LZTFL1: variants seen among roughly 807,000 people sequenced by gnomAD.
LZTFL1 encodes leucine zipper transcription factor-like protein 1.
LZTFL1 carries 25 observed loss-of-function variants against 45.9 expected under a neutral mutation model. That is an observed-to-expected ratio of 0.54 (90% CI 0.40 to 0.76). The LOEUF (loss-of-function observed/expected upper bound fraction) is 0.76. Ranked by LOEUF, LZTFL1 falls within the 30% of genes least tolerant of loss-of-function variation. LZTFL1 has a pLI of 0.00. For synonymous variants in LZTFL1, 93 were observed against 117.4 expected, an observed-to-expected ratio of 0.79 and a Z score of 1.35; for missense variants, 277 against 331.1, an observed-to-expected ratio of 0.84 and a Z score of 1.27.
intron 4 of LZTFL1, among the ~76,000 whole-genome samples, chr3:45,849,512 A>G (rs1360108577): frequency 3.3e-5 from 5 of 152,240 alleles, no homozygotes. Context: ...AGGGTGATAT[A>G]AAGAAAAGTT....
chr3:45,892,637 G>A (rs1256469860), intron 2 of LZTFL1, among the ~76,000 whole-genome samples: 2 of 151,974 alleles, frequency 1.3e-5, no homozygotes, highest in Non-Finnish European at 1.5e-5. Context: ...CCTGGGTGGC[G>A]AAATAATCTA....
intron 1 of LZTFL1, among the ~76,000 whole-genome samples, chr3:45,839,366 A>G (rs1449961971): frequency 1.3e-5 from 2 of 152,072 alleles, no homozygotes; most frequent in South Asian, 2.1e-4. Flanking sequence ...GGGATTACAG[A>G]GGTGAGCCAC....
chr3:45,905,089 A>C (rs974464095), intron 2 of LZTFL1, among the ~76,000 whole-genome samples: 2 of 152,174 alleles, frequency 1.3e-5, no homozygotes, highest in African/African-American at 4.8e-5. Context: ...CAGCACCTGC[A>C]CCTGACATGT....
chr3:45,866,464 C>T (rs541714546), intron 2 of LZTFL1, among the ~76,000 whole-genome samples: 1 of 152,314 alleles, frequency 6.6e-6, no homozygotes, highest in South Asian at 2.1e-4. Flanking sequence ...ATACAGTCAG[C>T]TCTACAAGGG....
At chr3:45,913,641 G>T (rs1452866861) in intron 1 of LZTFL1, among the ~76,000 whole-genome samples, 1 of 152,178 alleles carries the variant, frequency 6.6e-6, no homozygotes, top group Non-Finnish European at 1.5e-5. Context: ...GCTAGTACTA[G>T]TGTGGCATGT....
chr3:45,903,578 A>G (rs1479054841), intron 2 of LZTFL1, among the ~76,000 whole-genome samples: 1 of 152,220 alleles, frequency 6.6e-6, no homozygotes, highest in Non-Finnish European at 1.5e-5. Flanking sequence ...AAGGGGAGAC[A>G]AAAGCACTGG....
chr3:45,831,317 G>A (rs1360096695), intron 5 of LZTFL1, among the ~76,000 whole-genome samples, 179 bp from the exon 6 acceptor site: 3 of 152,182 alleles, frequency 2.0e-5, no homozygotes, highest in African/African-American at 7.2e-5. Context: ...CAGTATCTGT[G>A]AGTCAGCTTT....
At chr3:45,860,831 G>A (rs1051643027) in intron 2 of LZTFL1, among the ~76,000 whole-genome samples, 1 of 152,094 alleles carries the variant, frequency 6.6e-6, no homozygotes, top group Non-Finnish European at 1.5e-5. Context: ...GTACGAAATC[G>A]TTGACCATTT....
intron 8 of LZTFL1, 63 bp from the exon 9 acceptor site, chr3:45,827,522 C>T (rs1002624427): frequency 3.8e-5 from 38 of 987,834 alleles, no homozygotes; most frequent in Middle Eastern, 4.4e-4. Context: ...ATAACAAATG[C>T]GATAAAAATA....
chr3:45,873,615 T>A (rs1054678645), intron 2 of LZTFL1, among the ~76,000 whole-genome samples: 1 of 152,198 alleles, frequency 6.6e-6, no homozygotes, highest in African/African-American at 2.4e-5. Context: ...CTTCTTACAA[T>A]GTCTTGCTCA....
intron 7 of LZTFL1, among the ~76,000 whole-genome samples, chr3:45,829,647 GA>G (rs71619611): frequency 0.089 from 9,997 of 111,900 alleles, 490 homozygotes; most frequent in South Asian, 0.33. Context: ...TTCAACAGAA[GA>G]AAAAAAAAAT....
intron 2 of LZTFL1, among the ~76,000 whole-genome samples, chr3:45,899,917 G>A (rs1702491249): frequency 6.6e-6 from 1 of 152,092 alleles, no homozygotes; most frequent in Admixed American, 6.6e-5. Context: ...AGTGTAAGAA[G>A]TGTGTGTGTG....
At chr3:45,862,756 G>A (rs1317219915) in intron 2 of LZTFL1, among the ~76,000 whole-genome samples, 1 of 152,222 alleles carries the variant, frequency 6.6e-6, no homozygotes, top group Non-Finnish European at 1.5e-5. Flanking sequence ...TATGCCAGCC[G>A]CAGTTGAAAC....
At chr3:45,890,017 A>T (rs957236948) in intron 2 of LZTFL1, among the ~76,000 whole-genome samples, 1 of 150,978 alleles carries the variant, frequency 6.6e-6, no homozygotes, top group Admixed American at 6.7e-5. Flanking sequence ...ACCCTCCAAA[A>T]AGATCACATA....
At chr3:45,892,592 A>C (rs1253123993) in intron 2 of LZTFL1, among the ~76,000 whole-genome samples, 1 of 152,158 alleles carries the variant, frequency 6.6e-6, no homozygotes, top group African/African-American at 2.4e-5. Flanking sequence ...TGAGGATAAA[A>C]AAACTATCTA....
chr3:45,837,906 CT>C lies in LZTFL1; in HGVS notation c.128+20del. 1.9e-6 allele frequency: 3 copies of C among 1,591,332 alleles called. 1 individual carries two copies. Among genetic ancestry groups the C allele is most frequent in the Non-Finnish European group, 1.7e-6 (2 of 1,172,344 alleles). ...AGAATCCATGTTCCTATTTGGTTTG[CT>C]TAGAGTCCTCCTCTGATACCTGCTC... is the stretch of plus-strand genomic sequence containing the variant. On this transcript the variant is annotated intron_variant, in intron 2 of 9. Coordinates refer to ENST00000296135, the MANE Select transcript of LZTFL1 (RefSeq NM_020347.4).
chr3:45,850,006 C>T (rs376082664), intron 4 of LZTFL1, among the ~76,000 whole-genome samples: 8 of 152,156 alleles, frequency 5.3e-5, no homozygotes, highest in African/African-American at 1.4e-4. Flanking sequence ...GGATCGCTGT[C>T]GTGTCCACAT....
chr3:45,848,611 A>G (rs1053662142), intron 4 of LZTFL1, among the ~76,000 whole-genome samples: 1 of 152,236 alleles, frequency 6.6e-6, no homozygotes, highest in Non-Finnish European at 1.5e-5. Flanking sequence ...ACTAGCAACA[A>G]GAGGTGGCTA....
At chr3:45,864,042 C>G (rs1042860360) in intron 2 of LZTFL1, among the ~76,000 whole-genome samples, 1 of 152,146 alleles carries the variant, frequency 6.6e-6, no homozygotes, top group African/African-American at 2.4e-5. Context: ...CATGATATCT[C>G]TAACATAACA....
Sources: gnomAD v4.1 joint callset for allele counts (sites outside exome capture counted in the v4.1 genomes callset) on GRCh38, gnomAD v4.1.1 for gene constraint, MANE v1.5 for transcripts, NCBI Gene and HGNC (gene_info 2026-07-23, HGNC 2026-07-21) for gene names.